FILIP1L: variants seen among roughly 807,000 people sequenced by gnomAD.
FILIP1L encodes filamin A interacting protein 1 like, also known as filamin A-interacting protein 1-like.
FILIP1L carries 55 observed loss-of-function variants against 96.6 expected under a neutral mutation model. The observed-to-expected ratio is 0.57, with a 90% confidence interval of 0.46 to 0.71. The LOEUF is 0.71. Ranked by LOEUF, FILIP1L falls within the 30% of genes least tolerant of loss-of-function variation. FILIP1L has a pLI of 0.00. For missense variants in FILIP1L, 1,304 were observed against 1,321.2 expected (o/e 0.99, Z 0.20); for synonymous variants, 467 against 473.9 (o/e 0.99, Z 0.19).
At chr3:99,941,201 A>T (rs1707840531) in intron 1 of FILIP1L, among the ~76,000 whole-genome samples, 2 of 151,580 alleles carry the variant, frequency 1.3e-5, no homozygotes, top group South Asian at 4.2e-4. Flanking sequence ...TTTTTTTTTT[A>T]GACACACGGA....
At chr3:100,054,228 T>C (rs148711170) in intron 1 of FILIP1L, among the ~76,000 whole-genome samples, 89 of 152,326 alleles carry the variant, frequency 5.8e-4, no homozygotes, top group African/African-American at 2.1e-3. Flanking sequence ...AGACATCACA[T>C]TCCCCCTTCC....
At chr3:99,876,128 C>A (rs1705504035) in intron 4 of FILIP1L, 2 of 986,184 alleles carry the variant, frequency 2.0e-6, no homozygotes, top group Admixed American at 1.2e-4. Flanking sequence ...TGTAGTGCCG[C>A]GCTGCGAGCC....
At chr3:99,970,581 AG>A (rs1473792103) in intron 1 of FILIP1L, among the ~76,000 whole-genome samples, 2 of 152,334 alleles carry the variant, frequency 1.3e-5, no homozygotes. Context: ...CTTTCCTTGT[AG>A]TTTACTAGTA....
At chr3:100,046,536 C>T (rs2065281897) in intron 1 of FILIP1L, among the ~76,000 whole-genome samples, 1 of 151,898 alleles carries the variant, frequency 6.6e-6, no homozygotes, top group Non-Finnish European at 1.5e-5. Context: ...CCCAACTCCC[C>T]CCAGGATTTG....
At chr3:100,055,509 T>C (rs1378925933) in intron 1 of FILIP1L, among the ~76,000 whole-genome samples, 1 of 152,230 alleles carries the variant, frequency 6.6e-6, no homozygotes, top group Non-Finnish European at 1.5e-5. Context: ...AAAGACTGTC[T>C]TTACCTTTAT....
chr3:100,004,858 C>T (rs1326300781), intron 1 of FILIP1L, among the ~76,000 whole-genome samples: 1 of 152,188 alleles, frequency 6.6e-6, no homozygotes, highest in Non-Finnish European at 1.5e-5. Flanking sequence ...AATCTGGCCA[C>T]TGAGAGATTA....
At chr3:99,872,322 T>TGTGTGTGTGTGA (rs1491147270) in intron 4 of FILIP1L, among the ~76,000 whole-genome samples, 1 of 141,116 alleles carries the variant, frequency 7.1e-6, no homozygotes, top group Admixed American at 7.1e-5. Flanking sequence ...TGTGTGTGTG[T>TGTGTGTGTGTGA]GACTGTGGGG....
intron 1 of FILIP1L, among the ~76,000 whole-genome samples, chr3:99,972,596 C>T (rs1174999229): frequency 6.6e-6 from 1 of 152,148 alleles, no homozygotes; most frequent in African/African-American, 2.4e-5. Context: ...AATAACGGTT[C>T]ATGTTTCCAT....
chr3:99,847,007 A>T (rs186205077), intron 5 of FILIP1L, among the ~76,000 whole-genome samples: 5 of 152,248 alleles, frequency 3.3e-5, no homozygotes, highest in South Asian at 2.1e-4. Context: ...ATCCCCAGGG[A>T]CTCCCATGAG....
intron 1 of FILIP1L, among the ~76,000 whole-genome samples, chr3:100,002,417 T>C (rs1709868717): frequency 6.6e-6 from 1 of 152,146 alleles, no homozygotes; most frequent in East Asian, 1.9e-4. Context: ...CTCTATAATC[T>C]CAGGAGTGAA....
At chr3:100,016,177 A>G (rs532756013) in intron 1 of FILIP1L, among the ~76,000 whole-genome samples, 107 of 151,988 alleles carry the variant, frequency 7.0e-4, no homozygotes, top group Non-Finnish European at 5.3e-4. Context: ...CATTGGGGCT[A>G]TTGGGTCAGC....
At chr3:99,867,541 A>T (rs1944582491) in intron 4 of FILIP1L, among the ~76,000 whole-genome samples, 1 of 152,210 alleles carries the variant, frequency 6.6e-6, no homozygotes. Context: ...CACATATCTG[A>T]TGGACAGGAA....
At chr3:100,110,476 C>A (rs2315840) in intron 1 of FILIP1L, among the ~76,000 whole-genome samples, 7,848 of 152,146 alleles carry the variant, frequency 0.052, 328 homozygotes, top group East Asian at 0.13. Flanking sequence ...ATGAAGATAC[C>A]TGTCATCCAT....
At chr3:100,025,821 G>T (rs1179013456) in intron 1 of FILIP1L, among the ~76,000 whole-genome samples, 1 of 152,080 alleles carries the variant, frequency 6.6e-6, no homozygotes, top group African/African-American at 2.4e-5. Flanking sequence ...TCCATTTTTT[G>T]TTGGTAAGCC....
chr3:100,050,529 A>G (rs1030248390), intron 1 of FILIP1L, among the ~76,000 whole-genome samples: 1 of 151,822 alleles, frequency 6.6e-6, no homozygotes, highest in Non-Finnish European at 1.5e-5. Context: ...TTGTTTGTTT[A>G]TTTGTTTATT....
At chr3:99,871,803 C>T (rs1283344740) in intron 4 of FILIP1L, among the ~76,000 whole-genome samples, 2 of 152,192 alleles carry the variant, frequency 1.3e-5, no homozygotes, top group African/African-American at 2.4e-5. Context: ...CTCTCACCTT[C>T]CAAGTAGAGA....
At chr3:99,927,393 G>T (rs1191584041) in intron 3 of FILIP1L, among the ~76,000 whole-genome samples, 2 of 150,578 alleles carry the variant, frequency 1.3e-5, no homozygotes, top group Non-Finnish European at 3.0e-5. Context: ...TTTTGAGACG[G>T]AGTTTCGCTT....
At chr3:100,000,643 A>C (rs571874602) in intron 1 of FILIP1L, among the ~76,000 whole-genome samples, 2 of 152,342 alleles carry the variant, frequency 1.3e-5, no homozygotes, top group East Asian at 3.9e-4. Context: ...TGGGCCCAGG[A>C]GTTCAAGGCC....
intron 1 of FILIP1L, chr3:100,075,484 C>T (rs776168092): frequency 6.6e-6 from 1 of 151,936 alleles, no homozygotes; most frequent in Non-Finnish European, 1.5e-5. Context: ...TATAAGTTCT[C>T]TTACCTTCAA....
Sources: allele counts gnomAD v4.1 joint callset (sites outside exome capture counted in the v4.1 genomes callset), GRCh38; gene constraint gnomAD v4.1.1; transcripts MANE v1.5; gene names NCBI Gene and HGNC (gene_info 2026-07-23, HGNC 2026-07-21).